The following DISP3 variants were observed in gnomAD, a reference collection of about 807,000 sequenced individuals.
The protein encoded by DISP3 is dispatched RND transporter family member 3.
In DISP3, 101 loss-of-function variants were observed where a neutral mutation model predicts 135.3. The observed-to-expected ratio is 0.75, with a 90% CI of 0.64 to 0.88. DISP3 has a LOEUF of 0.88. Among genes scored for constraint, DISP3 ranks in the 40% least tolerant of loss-of-function variants. DISP3 has a pLI of 0.00. For synonymous variants in DISP3, 856 were observed against 817.0 expected (o/e 1.05, Z -0.81); for missense variants, 1,713 against 1,878.6 (o/e 0.91, Z 1.63).
At position 11,501,201 on chromosome 1, in the gene DISP3, A is replaced by C; in HGVS notation, c.209A>C (p.Asn70Thr). The change falls in exon 2 of 21, where the codon AAT becomes ACT. Residue 70 changes from asparagine to threonine, a missense_variant. By Grantham distance (65) the Asn-to-Thr change is moderately conservative. Transcript: ENST00000294484. This position sits in a 1 kb window ranked among gnomAD's most constrained non-coding sequence, Gnocchi z 4.9. ...FWSTLGWAFT[N>T]PCCAGLVLFL... ...AGTACCCTGGGCTGGGCCTTCACCAATCCGTGCTGTGCTGGGCTGGTGCTC... is the reference window on the plus strand; with the variant it reads ...AGTACCCTGGGCTGGGCCTTCACCACTCCGTGCTGTGCTGGGCTGGTGCTC... The C allele has an allele frequency of 6.2e-7, 1 of 1,613,956 alleles. No homozygotes were observed. Among genetic ancestry groups the C allele is most frequent in the Non-Finnish European group, 8.5e-7 (1 of 1,179,892 alleles).
Position 11,525,046 on chromosome 1 carries a change from G to A in DISP3, c.2477-130G>A, listed in dbSNP as rs557574173. 3.9e-5 allele frequency: 44 copies of A among 1,140,084 alleles called. No homozygotes were observed. The East Asian group carries it at 9.6e-4, about 25-fold the overall frequency. The allele number at this position is 1,140,084 out of a possible 1,614,324, so 70.6% of individuals were successfully genotyped here. ...GGTCCAGTAGAGAGGGGCACAGCCA[G>A]CATTTTGAGATGAGCCCAAGGCCAG... is the stretch of plus-strand genomic sequence containing the variant. On this transcript the variant is annotated intron_variant, in intron 11 of 20. Coordinates refer to ENST00000294484, the MANE Select transcript of DISP3 (RefSeq NM_020780.2).
At position 11,499,136 on chromosome 1, in the gene DISP3, G is replaced by C. The variant is rs887190010; in HGVS notation, c.-3-1854G>C. ...GGGGACGGGGATGGCATTCCTGGTG[G>C]AATAGCAATGGGATCAAGGGGCCTT... On this transcript the variant is annotated intron_variant, in intron 1 of 20. Coordinates refer to ENST00000294484, the MANE Select transcript of DISP3 (RefSeq NM_020780.2). The surrounding 1 kb of genome is among the most constrained non-coding windows in gnomAD (Gnocchi z 5.2). Among the ~76,000 whole-genome samples, 2 of 152,136 alleles carry C rather than the reference G, an allele frequency of 1.3e-5. No individual in the cohort carries two copies. The highest frequency in any genetic ancestry group is 2.9e-5 in the Non-Finnish European group (2 of 68,018).
chr1:11,524,008 G>C lies in DISP3; in HGVS notation c.2429G>C (p.Arg810Pro). Reference sequence around the variant, plus strand: ...CGGACGTCCCTGGAGAAGAAGAGGCGAGGCTCAGGGGTCCCCTGGGCTAGC... The same window carrying C: ...CGGACGTCCCTGGAGAAGAAGAGGCCAGGCTCAGGGGTCCCCTGGGCTAGC... ...NIRTSLEKKR[R>P]GSGVPWASRP... Residue 810 changes from arginine (R) to proline (P), a missense_variant, in exon 11 of 21, where the codon CGA (arginine) becomes CCA (proline). This residue lies in a region of DISP3 where 1,142 missense variants were observed against 1,384.6 expected (regional missense o/e 0.82). Transcript: ENST00000294484. 1 of 1,613,340 alleles carries C rather than the reference G, an allele frequency of 6.2e-7. No homozygotes were observed. The highest frequency in any genetic ancestry group is 8.5e-7 in the Non-Finnish European group (1 of 1,179,730).
chr1:11,486,412 G>A (rs77258402), intron 1 of DISP3, among the ~76,000 whole-genome samples: 2,360 of 152,260 alleles, frequency 0.015, 59 homozygotes, highest in African/African-American at 0.054. Context: ...CTTTAGCCGG[G>A]GAAGCTGGGA....
At chr1:11,510,229 A>G (rs1052288050) in intron 3 of DISP3, among the ~76,000 whole-genome samples, 3 of 152,132 alleles carry the variant, frequency 2.0e-5, no homozygotes, top group African/African-American at 7.2e-5. Flanking sequence ...TATTTCTCCC[A>G]TATGCTTCTT....
chr1:11,480,310 A>G lies in DISP3; in HGVS notation c.-4+938A>G, dbSNP rs553706287. Among the ~76,000 whole-genome samples the G allele has an allele frequency of 3.3e-5, 5 of 152,266 alleles. No homozygotes were observed. In the East Asian group the frequency reaches 9.7e-4, roughly 29 times the overall value. On this transcript the variant is annotated intron_variant, in intron 1 of 20. Coordinates refer to ENST00000294484, the MANE Select transcript of DISP3 (RefSeq NM_020780.2). Reference sequence around the variant, plus strand: ...GCCCTAGAAACTCAGAAGCCCGCGCACACCCACAGTCCACGCGCACACTCA... The same window carrying G: ...GCCCTAGAAACTCAGAAGCCCGCGCGCACCCACAGTCCACGCGCACACTCA...
chr1:11,519,448 C>A lies in DISP3; in HGVS notation c.1983C>A (p.Gly661=). 2.5e-6 allele frequency: 4 copies of A among 1,613,660 alleles called. No individual in the cohort carries two copies. The highest frequency in any genetic ancestry group is 2.5e-6 in the Non-Finnish European group (3 of 1,179,946). ...PEQVGGSPAQ[G]PIPYLDDDIP... ...AGGTTGGAGGCAGCCCTGCCCAGGGCCCCATACCCTACCTGGATGATGACA... is the reference window on the plus strand; with the variant it reads ...AGGTTGGAGGCAGCCCTGCCCAGGGACCCATACCCTACCTGGATGATGACA... Residue 661 remains glycine, a synonymous_variant, in exon 8 of 21, where the codon GGC becomes GGA. Coordinates refer to ENST00000294484, the MANE Select transcript of DISP3 (RefSeq NM_020780.2). This position sits in a 1 kb window ranked among gnomAD's most constrained non-coding sequence, Gnocchi z 4.3.
In DISP3 at chr1:11,531,628, A is replaced by G. The variant is rs762714760; in HGVS notation, c.3293A>G (p.Asn1098Ser). Residue 1098 changes from asparagine to serine, a missense_variant, in exon 17 of 21, where the codon AAC becomes AGC. Asn to Ser is a conservative substitution (Grantham distance 46). Coordinates refer to ENST00000294484, the MANE Select transcript of DISP3 (RefSeq NM_020780.2). This position sits in a 1 kb window ranked among gnomAD's most constrained non-coding sequence, Gnocchi z 5.2. ...HPECKELPEP[N>S]LLPGQLSHGA... ...GAGTGCAAGGAGCTGCCCGAGCCCAACCTGCTCCCGGGGCAGCTGTCCCAC... is the reference window on the plus strand; with the variant it reads ...GAGTGCAAGGAGCTGCCCGAGCCCAGCCTGCTCCCGGGGCAGCTGTCCCAC... 7 of 1,613,344 alleles carry G rather than the reference A, an allele frequency of 4.3e-6. No individual in the cohort carries two copies. Among genetic ancestry groups the G allele is most frequent in the Middle Eastern group, 1.7e-4 (1 of 5,936 alleles).
At chr1:11,505,840 C>T (rs992709709) in intron 3 of DISP3, among the ~76,000 whole-genome samples, 1 of 152,032 alleles carries the variant, frequency 6.6e-6, no homozygotes, top group African/African-American at 2.4e-5. Context: ...ACATATTTAC[C>T]GTTTCTGTTG....
Position 11,517,504 on chromosome 1 carries a change from C to T in DISP3, c.1791C>T (p.Ile597=), listed in dbSNP as rs755941770. Residue 597 remains isoleucine (I), a synonymous_variant, in exon 7 of 21, where the codon ATC becomes ATT. Coordinates refer to ENST00000294484, the MANE Select transcript of DISP3 (RefSeq NM_020780.2). ...VHDFGLFMSL[I]VSCCWLAVLV... Reference sequence around the variant, plus strand: ...ACTTTGGCCTGTTCATGTCTCTCATCGTGTCCTGTTGCTGGCTGGCCGTGC... The same window carrying T: ...ACTTTGGCCTGTTCATGTCTCTCATTGTGTCCTGTTGCTGGCTGGCCGTGC... The T allele has an allele frequency of 1.1e-5, 17 of 1,614,218 alleles. No homozygotes were observed. The highest frequency in any genetic ancestry group is 1.4e-5 in the Non-Finnish European group (16 of 1,180,030).
chr1:11,536,141 C>T lies in DISP3; in HGVS notation c.3817-183C>T, dbSNP rs916314564. 4.6e-5 allele frequency among the ~76,000 whole-genome samples: 7 copies of T among 152,188 alleles called. No individual in the cohort carries two copies. Among genetic ancestry groups the T allele is most frequent in the Non-Finnish European group, 7.4e-5 (5 of 68,020 alleles). ...ACAGGACCTACTGTGCAGACCCTCG[C>T]GTCCTGTTGCCATAGCAACACCTAC... On this transcript the variant is annotated intron_variant, in intron 20 of 20. Coordinates refer to ENST00000294484, the MANE Select transcript of DISP3 (RefSeq NM_020780.2). This position sits in a 1 kb window ranked among gnomAD's most constrained non-coding sequence, Gnocchi z 4.3.
Position 11,536,311 on chromosome 1 carries a change from C to T in DISP3, c.3817-13C>T, listed in dbSNP as rs771895004. On this transcript the variant is annotated splice_polypyrimidine_tract_variant and intron_variant, in intron 20 of 20. Coordinates refer to ENST00000294484, the MANE Select transcript of DISP3 (RefSeq NM_020780.2). This position sits in a 1 kb window ranked among gnomAD's most constrained non-coding sequence, Gnocchi z 4.3. ...CAGGCAGGCTGGGCTCCCAGCTCTC[C>T]TCTTGCCCCCAGGACGCCCGAACGC... 2 of 1,592,292 alleles carry T rather than the reference C, an allele frequency of 1.3e-6. No individual in the cohort carries two copies. The highest frequency in any genetic ancestry group is 2.2e-5 in the South Asian group (2 of 90,046).
Position 11,537,199 on chromosome 1 carries a change from G to A in DISP3, c.*513G>A, listed in dbSNP as rs2594309. The A allele has an allele frequency of 0.13, 20,621 of 154,588 alleles. 1,686 individuals are homozygous for A. The highest frequency in any genetic ancestry group is 0.44 in the East Asian group (2,245 of 5,130). 9.6% of individuals were successfully genotyped at this position (154,588 alleles called of 1,614,324 possible). A position where few individuals can be genotyped will look rare whatever the true frequency, so the allele number is the denominator to read the frequency against. On this transcript the variant is annotated 3_prime_UTR_variant, in exon 21 of 21. Transcript: ENST00000294484. ...AGAGCACAGTGGATCCAGGGTGGGGGCCTCTCACCCCCTAACCCCGCCCCC... is the reference window on the plus strand; with the variant it reads ...AGAGCACAGTGGATCCAGGGTGGGGACCTCTCACCCCCTAACCCCGCCCCC...
At chr1:11,494,458 A>C (rs1206893367) in intron 1 of DISP3, among the ~76,000 whole-genome samples, 4 of 152,112 alleles carry the variant, frequency 2.6e-5, no homozygotes, top group African/African-American at 9.7e-5. Context: ...GTCTCGGGGA[A>C]AGGTTTGGGA....
intron 1 of DISP3, among the ~76,000 whole-genome samples, chr1:11,480,222 ACTGCGCGCAGGT>A (rs1640859086): frequency 6.6e-6 from 1 of 152,078 alleles, no homozygotes; most frequent in Admixed American, 6.5e-5. Context: ...TCACTGCGAG[ACTGCGCGCAGGT>A]CTCCGTCAGC....
Position 11,535,541 on chromosome 1 carries a change from C to T in DISP3, c.3713C>T (p.Ala1238Val). Residue 1238 changes from alanine to valine, a missense_variant, in exon 20 of 21, where the codon GCC becomes GTC. Transcript: ENST00000294484. ...WSGWEMGAVEAISLSILVGSS... is the reference protein window; with the variant it reads ...WSGWEMGAVEVISLSILVGSS... Reference sequence around the variant, plus strand: ...GGCTGGGAGATGGGGGCTGTGGAAGCCATCTCCCTGTCCATCCTCGTTGGC... The same window carrying T: ...GGCTGGGAGATGGGGGCTGTGGAAGTCATCTCCCTGTCCATCCTCGTTGGC... 6.2e-7 allele frequency: 1 copy of T among 1,613,210 alleles called. No homozygotes were observed. The highest frequency in any genetic ancestry group is 8.5e-7 in the Non-Finnish European group (1 of 1,179,900).
chr1:11,485,403 A>T (rs746288134), intron 1 of DISP3, among the ~76,000 whole-genome samples: 3 of 152,134 alleles, frequency 2.0e-5, no homozygotes, highest in Non-Finnish European at 4.4e-5. Flanking sequence ...CACCTGGATG[A>T]TGTGTCCTTT....
chr1:11,504,246 C>T (rs953662553), intron 3 of DISP3, among the ~76,000 whole-genome samples: 6 of 152,238 alleles, frequency 3.9e-5, no homozygotes, highest in African/African-American at 1.4e-4. Flanking sequence ...TTATGATTAT[C>T]TCCATTTTAT....
rs915150773 is a variant in DISP3 at position 11,536,406 on chromosome 1, C to T, written c.3899C>T (p.Thr1300Met). 18 of 1,612,358 alleles carry T rather than the reference C, an allele frequency of 1.1e-5. No homozygotes were observed. The highest frequency in any genetic ancestry group is 1.5e-5 in the Non-Finnish European group (18 of 1,179,964). ...GCCATCGTCTCCAGTGCCCTCACCA[C>T]GGTCATCGCCACAGTGCCCCTCTTC... Reference protein sequence around the residue: ...GVAIVSSALTTVIATVPLFFC... With the variant: ...GVAIVSSALTMVIATVPLFFC... Residue 1300 changes from threonine to methionine, a missense_variant, in exon 21 of 21, where the codon ACG (threonine) becomes ATG (methionine). Thr to Met is a moderately conservative substitution (Grantham distance 81). Transcript: ENST00000294484. The surrounding 1 kb of genome is among the most constrained non-coding windows in gnomAD (Gnocchi z 4.3).
Sources: gnomAD v4.1 joint callset for allele counts (sites outside exome capture counted in the v4.1 genomes callset) on GRCh38, gnomAD v4.1.1 for gene constraint, gnomAD v4.1.1 regional missense constraint, Gnocchi (gnomAD v3.1) non-coding constraint, MANE v1.5 for transcripts, NCBI Gene and HGNC (gene_info 2026-07-23, HGNC 2026-07-21) for gene names.